BCAR3: variants seen among roughly 807,000 people sequenced by gnomAD.
BCAR3 encodes BCAR3 adaptor protein, NSP family member, also known as breast cancer anti-estrogen resistance protein 3.
Under a neutral mutation model 80.1 loss-of-function variants are expected in BCAR3, and 37 were observed. The ratio of observed to expected loss-of-function variants is 0.46; its 90% CI spans 0.36 to 0.61. The LOEUF (loss-of-function observed/expected upper bound fraction) is 0.61. Ranked by LOEUF, BCAR3 falls within the 20% of genes least tolerant of loss-of-function variation. BCAR3 has a pLI of 0.00. For missense variants in BCAR3, 978 were observed against 1,068.2 expected, an observed-to-expected ratio of 0.92 and a Z score of 1.18; for synonymous variants, 389 against 418.9, an observed-to-expected ratio of 0.93 and a Z score of 0.87.
intron 2 of BCAR3, among the ~76,000 whole-genome samples, chr1:93,673,413 C>G (rs999257076): frequency 1.3e-5 from 2 of 152,210 alleles, no homozygotes; most frequent in African/African-American, 2.4e-5. Context: ...GCAGAATTTT[C>G]CTGGTAAGCC....
intron 2 of BCAR3, among the ~76,000 whole-genome samples, chr1:93,811,970 G>A (rs1221515396): frequency 6.6e-6 from 1 of 152,132 alleles, no homozygotes; most frequent in Non-Finnish European, 1.5e-5. Flanking sequence ...CCAGCCTGTT[G>A]GTAAACGTTT....
At chr1:93,847,076 C>A in exon 1 of BCAR3, 1 of 256,166 alleles carries the variant, frequency 3.9e-6, no homozygotes, top group South Asian at 3.9e-5. Context: ...TTACGTCTCG[C>A]AGCCCGAGGG....
chr1:93,725,213 A>G (rs1650537913), intron 2 of BCAR3, among the ~76,000 whole-genome samples: 1 of 152,228 alleles, frequency 6.6e-6, no homozygotes, highest in Admixed American at 6.5e-5. Flanking sequence ...AGCACATATA[A>G]TATTTCCTGG....
intron 2 of BCAR3, among the ~76,000 whole-genome samples, chr1:93,729,306 G>C (rs574249667): frequency 6.6e-6 from 1 of 152,134 alleles, no homozygotes; most frequent in South Asian, 2.1e-4. Context: ...CGTTAGCCTA[G>C]AGTTGGGGAA....
chr1:93,671,292 C>A, intron 2 of BCAR3, among the ~76,000 whole-genome samples: 1 of 152,110 alleles, frequency 6.6e-6, no homozygotes, highest in South Asian at 2.1e-4. Context: ...CAAGCCCGGC[C>A]TATAAAGGTG....
At chr1:93,814,664 G>T (rs1316118280) in intron 2 of BCAR3, among the ~76,000 whole-genome samples, 1 of 152,206 alleles carries the variant, frequency 6.6e-6, no homozygotes, top group Admixed American at 6.5e-5. Context: ...GGTCACCACT[G>T]GTGTGTGTAC....
intron 2 of BCAR3, chr1:93,845,501 T>TCATGTTGTCAAG (rs1187622336): frequency 1.0e-5 from 1 of 96,318 alleles, no homozygotes; most frequent in Non-Finnish European, 2.1e-5. Flanking sequence ...TATATATATA[T>TCATGTTGTCAAG]AAAACTTTGT....
In BCAR3 at chr1:93,613,903, C is replaced by T. The variant is rs548575899; in HGVS notation, c.358-21510G>A. On this transcript the variant is annotated intron_variant, in intron 3 of 11. Transcript: ENST00000260502. ...AAGCAGCACAGAGCTGCTGAGAGGG[C>T]GTGGAAAGCACTGCATTCCTTAGGC... is the stretch of plus-strand genomic sequence containing the variant. 4.5e-6 allele frequency: 7 copies of T among 1,550,522 alleles called. No individual in the cohort carries two copies. In the African/African-American group the frequency reaches 8.2e-5, roughly 18 times the overall value.
chr1:93,808,793 A>G (rs1013008234), intron 2 of BCAR3, among the ~76,000 whole-genome samples: 1 of 152,254 alleles, frequency 6.6e-6, no homozygotes, highest in Non-Finnish European at 1.5e-5. Context: ...TAAAAACAAA[A>G]GAAAATAAGA....
chr1:93,846,111 T>A (rs1361699888), intron 1 of BCAR3, among the ~76,000 whole-genome samples: 1 of 152,010 alleles, frequency 6.6e-6, no homozygotes, highest in Non-Finnish European at 1.5e-5. Context: ...GGGACGGTGG[T>A]GTGTATGTAC....
intron 2 of BCAR3, among the ~76,000 whole-genome samples, chr1:93,818,613 T>A (rs1306120699): frequency 6.6e-6 from 1 of 152,216 alleles, no homozygotes; most frequent in African/African-American, 2.4e-5. Context: ...GTACTTTCCA[T>A]CATTAATCAA....
chr1:93,813,145 G>C (rs1348841822), intron 2 of BCAR3, among the ~76,000 whole-genome samples: 1 of 151,992 alleles, frequency 6.6e-6, no homozygotes, highest in East Asian at 1.9e-4. Context: ...CCAGCCCCCA[G>C]AGCTCCATTC....
intron 2 of BCAR3, among the ~76,000 whole-genome samples, chr1:93,716,029 C>T (rs886089278): frequency 2.0e-5 from 3 of 152,168 alleles, no homozygotes; most frequent in African/African-American, 7.2e-5. Context: ...CAGAGGTTTG[C>T]GAGCTGCAGG....
upstream of BCAR3, chr1:93,847,616 G>GC (rs550269484): frequency 2.0e-5 from 3 of 152,656 alleles, no homozygotes; most frequent in African/African-American, 4.8e-5. Context: ...TCTAGAGGCT[G>GC]AAGGCATTCA....
chr1:93,800,301 T>A (rs548741613), intron 2 of BCAR3, among the ~76,000 whole-genome samples: 4 of 152,108 alleles, frequency 2.6e-5, no homozygotes, highest in Non-Finnish European at 5.9e-5. Context: ...TGGCTGGGCA[T>A]GGTGGCTCAC....
At chr1:93,845,919 A>G (rs528031228) in intron 1 of BCAR3, among the ~76,000 whole-genome samples, 23 of 152,260 alleles carry the variant, frequency 1.5e-4, no homozygotes, top group Non-Finnish European at 2.6e-4. Flanking sequence ...ATAGTCTTTT[A>G]TCTCTGACTC....
intron 2 of BCAR3, among the ~76,000 whole-genome samples, chr1:93,662,919 T>C (rs1227434508): frequency 2.2e-5 from 3 of 135,280 alleles, no homozygotes; most frequent in Non-Finnish European, 4.7e-5. Context: ...AATTAAACTA[T>C]GTATCCACCT....
chr1:93,566,088 C>T (rs1477625474), intron 11 of BCAR3, among the ~76,000 whole-genome samples: 1 of 152,178 alleles, frequency 6.6e-6, no homozygotes, highest in Non-Finnish European at 1.5e-5. Context: ...TTCACTGGCT[C>T]TTCTTCAGCC....
At position 93,582,483 on chromosome 1, in the gene BCAR3, C is replaced by G. The variant is rs1222706772; in HGVS notation, c.1504G>C (p.Gly502Arg). The change falls in exon 7 of 12, where the codon GGC (glycine) becomes CGC (arginine). Residue 502 changes from glycine (G) to arginine (R), a missense_variant. Physicochemically the swap from Gly to Arg is moderately radical, Grantham distance 125. Transcript: ENST00000260502. ...AQMEKGQWDKGEFVTPLLETV... is the reference protein window; with the variant it reads ...AQMEKGQWDKREFVTPLLETV... ...TCCAGGAGGGGCGTCACAAACTCGC[C>G]CTTGTCCCACTGCCCCTTCTCCATC... 1 of 1,614,148 alleles carries G rather than the reference C, an allele frequency of 6.2e-7. No individual in the cohort carries two copies. Among genetic ancestry groups the G allele is most frequent in the Admixed American group, 1.7e-5 (1 of 60,018 alleles).
Sources: gnomAD v4.1 joint callset for allele counts (sites outside exome capture counted in the v4.1 genomes callset) on GRCh38, gnomAD v4.1.1 for gene constraint, MANE v1.5 for transcripts, NCBI Gene and HGNC (gene_info 2026-07-23, HGNC 2026-07-21) for gene names.